NEDD4L: variants seen among roughly 807,000 people sequenced by gnomAD.
NEDD4L encodes the protein NEDD4 like E3 ubiquitin protein ligase.
In NEDD4L, 54 loss-of-function variants were observed where a neutral mutation model predicts 148.9. The observed-to-expected ratio is 0.36, with a 90% CI of 0.29 to 0.45. NEDD4L has a LOEUF of 0.45. Among genes scored for constraint, NEDD4L ranks in the 20% least tolerant of loss-of-function variants. The pLI, the probability that NEDD4L is intolerant of heterozygous loss-of-function variation, is 1.00. For synonymous variants in NEDD4L, 433 were observed against 440.7 expected (o/e 0.98, Z 0.22); for missense variants, 856 against 1,233.8 (o/e 0.69, Z 4.59).
intron 2 of NEDD4L, among the ~76,000 whole-genome samples, chr18:58,233,347 A>G (rs2045485916): frequency 6.6e-6 from 1 of 152,238 alleles, no homozygotes; most frequent in South Asian, 2.1e-4. Flanking sequence ...TCAGTTCCAC[A>G]TGGCCGGGGA....
At chr18:58,047,439 G>A in intron 1 of NEDD4L, 2 of 985,416 alleles carry the variant, frequency 2.0e-6, no homozygotes, top group South Asian at 9.4e-5. Flanking sequence ...CCCAGAAAAC[G>A]GGGATGCCAA....
rs147405399 is a variant in NEDD4L, at chr18:58,052,605, C to T, written c.48+7897C>T. ...GAGATTTTGTATTCTTTTTATACCT[C>T]CTATTCACCAAAAGAAAAGGGCCAT... is the stretch of plus-strand genomic sequence containing the variant. On this transcript the variant is annotated intron_variant, in intron 1 of 30. Transcript: ENST00000400345. Among the ~76,000 whole-genome samples the T allele has an allele frequency of 2.6e-3, 393 of 151,700 alleles. 1 individual carries two copies. Among genetic ancestry groups the T allele is most frequent in the African/African-American group, 8.7e-3 (360 of 41,354 alleles).
intron 1 of NEDD4L, among the ~76,000 whole-genome samples, chr18:58,066,642 C>T (rs574740949): frequency 2.8e-4 from 43 of 152,040 alleles, no homozygotes; most frequent in African/African-American, 8.4e-4. Flanking sequence ...ACTCCTATAA[C>T]GACATACATG....
chr18:58,047,859 T>C (rs967477630), intron 1 of NEDD4L, among the ~76,000 whole-genome samples: 1 of 152,270 alleles, frequency 6.6e-6, no homozygotes, highest in Admixed American at 6.5e-5. Flanking sequence ...TACTTATGAA[T>C]GTTACCGCTA....
At chr18:58,255,042 A>C (rs1216127619) in intron 5 of NEDD4L, among the ~76,000 whole-genome samples, 1 of 152,170 alleles carries the variant, frequency 6.6e-6, no homozygotes, top group Non-Finnish European at 1.5e-5. Context: ...GCCAAGCCAT[A>C]TTTTACTTGT....
intron 1 of NEDD4L, among the ~76,000 whole-genome samples, chr18:58,051,075 G>A (rs963687988): frequency 1.3e-5 from 2 of 152,146 alleles, no homozygotes; most frequent in Non-Finnish European, 2.9e-5. Context: ...TGGGCAATGT[G>A]GTGAAACCCC....
intron 1 of NEDD4L, among the ~76,000 whole-genome samples, chr18:58,149,904 A>G (rs959455842): frequency 6.6e-6 from 1 of 152,218 alleles, no homozygotes; most frequent in South Asian, 2.1e-4. Context: ...GTATCTGTGA[A>G]TATTTCTCTT....
At position 58,186,082 on chromosome 18, in the gene NEDD4L, C is replaced by T. The variant is rs1024387145; in HGVS notation, c.122+20221C>T. ...AGAGAAGGATACATATGCACACGCA[C>T]ACAGAGAAGGATACGTATGCACACG... On this transcript the variant is annotated intron_variant, in intron 2 of 30. Coordinates refer to ENST00000400345, the MANE Select transcript of NEDD4L (RefSeq NM_001144967.3). 4.6e-5 allele frequency among the ~76,000 whole-genome samples: 7 copies of T among 151,792 alleles called. No individual in the cohort carries two copies. In the East Asian group the frequency reaches 1.2e-3, roughly 25 times the overall value.
rs566182708 is a variant in NEDD4L at position 58,162,302 on chromosome 18, A to G, written c.49-3486A>G. ...GCTGGCCTCTGTGGTCCTTGACCCCATCAGGTCCCACGGTGCCCTGCATGG... is the reference window on the plus strand; with the variant it reads ...GCTGGCCTCTGTGGTCCTTGACCCCGTCAGGTCCCACGGTGCCCTGCATGG... On this transcript the variant is annotated intron_variant, in intron 1 of 30. Coordinates refer to ENST00000400345, the MANE Select transcript of NEDD4L (RefSeq NM_001144967.3). Among the ~76,000 whole-genome samples the G allele has an allele frequency of 4.6e-5, 7 of 152,110 alleles. No individual in the cohort carries two copies. The South Asian group carries it at 1.5e-3, about 32-fold the overall frequency.
At chr18:58,252,231 G>A (rs1462050364) in intron 5 of NEDD4L, among the ~76,000 whole-genome samples, 177 bp downstream of exon 5, 1 of 152,164 alleles carries the variant, frequency 6.6e-6, no homozygotes, top group Non-Finnish European at 1.5e-5. Context: ...ATAGTTTTAT[G>A]TTGCTAGGAT....
chr18:58,316,758 A>C (rs765659594), intron 6 of NEDD4L, among the ~76,000 whole-genome samples: 34 of 152,302 alleles, frequency 2.2e-4, no homozygotes, highest in Non-Finnish European at 4.4e-4. Flanking sequence ...CCCATCTCCT[A>C]TTCCAGCTTC....
intron 1 of NEDD4L, among the ~76,000 whole-genome samples, chr18:58,145,847 G>T (rs986951445): frequency 2.6e-4 from 40 of 152,184 alleles, no homozygotes; most frequent in African/African-American, 9.4e-4. Flanking sequence ...CCAGTTCTGG[G>T]TCTTGTTATT....
intron 16 of NEDD4L, among the ~76,000 whole-genome samples, chr18:58,345,409 T>G (rs1406793080): frequency 6.6e-6 from 1 of 152,234 alleles, no homozygotes; most frequent in African/African-American, 2.4e-5. Context: ...AGGGTTTGCT[T>G]TGTTTTTTAT....
At chr18:58,127,919 G>C (rs62096185) in intron 1 of NEDD4L, among the ~76,000 whole-genome samples, 50,758 of 151,054 alleles carry the variant, frequency 0.34, 8,751 homozygotes, top group Non-Finnish European at 0.37. Flanking sequence ...CTTTGTCACC[G>C]AGGCTGGCAC....
chr18:58,053,555 T>C (rs1320837605), intron 1 of NEDD4L, among the ~76,000 whole-genome samples: 1 of 152,144 alleles, frequency 6.6e-6, no homozygotes, highest in East Asian at 1.9e-4. Context: ...GTGATCCACC[T>C]GCCTCGGCCT....
chr18:58,130,783 G>A (rs2031980126), intron 1 of NEDD4L, among the ~76,000 whole-genome samples: 1 of 143,968 alleles, frequency 6.9e-6, no homozygotes, highest in African/African-American at 2.6e-5. Context: ...GCAGTGTTGG[G>A]CTCTGGATTT....
intron 1 of NEDD4L, among the ~76,000 whole-genome samples, chr18:58,115,362 G>T (rs2085748879): frequency 1.3e-5 from 2 of 151,626 alleles, no homozygotes; most frequent in South Asian, 4.2e-4. Context: ...GCAGTCCTAG[G>T]GGAGATGCAA....
intron 21 of NEDD4L, among the ~76,000 whole-genome samples, chr18:58,367,435 A>G (rs2046265073): frequency 6.6e-6 from 1 of 152,192 alleles, no homozygotes. Context: ...CAGCCCCTTT[A>G]TTATGTGGCG....
chr18:58,154,268 A>C (rs1234880901), intron 1 of NEDD4L, among the ~76,000 whole-genome samples: 3 of 152,190 alleles, frequency 2.0e-5, no homozygotes, highest in African/African-American at 7.2e-5. Flanking sequence ...AGTACTGCCC[A>C]GATAGAACCT....
Sources: allele counts gnomAD v4.1 joint callset (sites outside exome capture counted in the v4.1 genomes callset), GRCh38; gene constraint gnomAD v4.1.1; transcripts MANE v1.5; gene names NCBI Gene and HGNC (gene_info 2026-07-23, HGNC 2026-07-21).